Variants in TYK2 observed in about 807,000 individuals in gnomAD.
TYK2 encodes the protein non-receptor tyrosine-protein kinase TYK2.
Under a neutral mutation model 130.9 loss-of-function variants are expected in TYK2, and 65 were observed. The observed-to-expected ratio is 0.50, with a 90% CI of 0.41 to 0.61. TYK2 has a LOEUF of 0.61. Among genes scored for constraint, TYK2 ranks in the 20% least tolerant of loss-of-function variants. The pLI is 0.00. For missense variants in TYK2, 1,378 were observed against 1,610.7 expected, an observed-to-expected ratio of 0.86 and a Z score of 2.47; for synonymous variants, 647 against 658.9, an observed-to-expected ratio of 0.98 and a Z score of 0.28.
Position 10,358,110 on chromosome 19 carries a change from A to G in TYK2, c.2204T>C (p.Val735Ala), listed in dbSNP as rs754086085. ...GGCCAGCAGGATGTTCCGGCCACACACATTACCATGAACCAGGTTCTTGTT... is the reference window on the plus strand; with the variant it reads ...GGCCAGCAGGATGTTCCGGCCACACGCATTACCATGAACCAGGTTCTTGTT... The part of the protein sequence containing the change: ...LENKNLVHGN[V>A]CGRNILLARL... The change falls in exon 16 of 25, where the codon GTG becomes GCG. Residue 735 changes from valine to alanine, a missense_variant. Transcript: ENST00000525621. 7.4e-6 allele frequency: 12 copies of G among 1,611,000 alleles called. No homozygotes were observed. The highest frequency in any genetic ancestry group is 9.3e-6 in the Non-Finnish European group (11 of 1,179,092).
At position 10,353,003 on chromosome 19, in the gene TYK2, G is replaced by A. The variant is rs72561499; in HGVS notation, c.3123C>T (p.Asp1041=). 5.9e-5 allele frequency: 94 copies of A among 1,605,870 alleles called. No homozygotes were observed. The African/African-American group carries it at 1.0e-3, about 17-fold the overall frequency. ...CGGGCACGGCCTTGGCTAGGCCAAA[G>A]TCCCCGATCTTGACCAGCCTGTCGT... ...LDNDRLVKIG[D]FGLAKAVPEG... The change falls in exon 22 of 25, where the codon GAC becomes GAT. Residue 1041 remains aspartate (D), a synonymous_variant. Transcript: ENST00000525621. The surrounding 1 kb of genome is among the most constrained non-coding windows in gnomAD (Gnocchi z 6.9).
At position 10,362,377 on chromosome 19, in the gene TYK2, C is replaced by T; in HGVS notation, c.1556G>A (p.Trp519Ter). The stretch of plus-strand genomic sequence containing the variant: ...CCGAACGCTGGGGAAGGACCGGCCC[C>T]AGCCCTCCAGCACGAAGGCCCCGTC... The part of the protein sequence containing the change: ...QQDGAFVLEG[W>*]GRSFPSVREL... Residue 519 changes from tryptophan (W) to a stop codon, truncating the protein, a stop_gained, in exon 11 of 25, where the codon TGG becomes TAG. Coordinates refer to ENST00000525621, the MANE Select transcript of TYK2 (RefSeq NM_003331.5). LOFTEE classifies it high-confidence loss of function. 1 of 1,614,074 alleles carries T rather than the reference C, an allele frequency of 6.2e-7. No homozygotes were observed. Among genetic ancestry groups the T allele is most frequent in the Non-Finnish European group, 8.5e-7 (1 of 1,179,988 alleles).
intron 17 of TYK2, 178 bp downstream of exon 17, chr19:10,357,586 A>G: frequency 1.2e-6 from 1 of 845,482 alleles, no homozygotes; most frequent in Non-Finnish European, 1.9e-6. Flanking sequence ...GACTTCCACA[A>G]GGACCTAAAA....
chr19:10,363,660 C>G (rs1415996440), intron 9 of TYK2, among the ~76,000 whole-genome samples: 1 of 152,184 alleles, frequency 6.6e-6, no homozygotes, highest in Non-Finnish European at 1.5e-5. Flanking sequence ...CCAGACACAA[C>G]TAATCACCCA....
chr19:10,354,770 T>G (rs947625377), intron 18 of TYK2, among the ~76,000 whole-genome samples, 161 bp from the exon 19 acceptor site: 10 of 151,970 alleles, frequency 6.6e-5, no homozygotes, highest in Non-Finnish European at 1.5e-4. Context: ...TTGTACAAAA[T>G]GATGCAGAGT....
chr19:10,360,308 AAC>A (rs2041336435), intron 14 of TYK2, among the ~76,000 whole-genome samples: 1 of 152,140 alleles, frequency 6.6e-6, no homozygotes. Context: ...CAGCCTAAGC[AAC>A]ATAGTGAGAC....
At position 10,361,517 on chromosome 19, in the gene TYK2, G is replaced by A. The variant is rs1433952909; in HGVS notation, c.2041C>T (p.Pro681Ser). 2.6e-5 allele frequency: 40 copies of A among 1,545,362 alleles called. No individual in the cohort carries two copies. The highest frequency in any genetic ancestry group is 3.2e-5 in the Non-Finnish European group (37 of 1,146,830). Residue 681 changes from proline to serine, a missense_variant, in exon 14 of 25, where the codon CCT becomes TCT. Coordinates refer to ENST00000525621, the MANE Select transcript of TYK2 (RefSeq NM_003331.5). This position sits in a 1 kb window ranked among gnomAD's most constrained non-coding sequence, Gnocchi z 4.0. ...AFVHGVCVRGPENIMVTEYVE... is the reference protein window; with the variant it reads ...AFVHGVCVRGSENIMVTEYVE... Reference sequence around the variant, plus strand: ...TATGGCGGGACCCACTCACTTTCAGGGCCGCGCACACAGACGCCATGCACG... The same window carrying A: ...TATGGCGGGACCCACTCACTTTCAGAGCCGCGCACACAGACGCCATGCACG...
At chr19:10,355,918 C>T (rs753147790) in intron 18 of TYK2, among the ~76,000 whole-genome samples, 12 of 151,660 alleles carry the variant, frequency 7.9e-5, no homozygotes, top group Non-Finnish European at 1.5e-4. Context: ...GCCAAGATTG[C>T]ACCACTGCAC....
At chr19:10,372,208 C>T (rs12720349) in intron 3 of TYK2, among the ~76,000 whole-genome samples, 8,576 of 150,164 alleles carry the variant, frequency 0.057, 308 homozygotes, top group Non-Finnish European at 0.081. Context: ...TTAGCCAGGA[C>T]GGTCGCAATC....
chr19:10,365,478 C>T (rs1303636403), intron 7 of TYK2, 39 bp downstream of exon 7: 2 of 1,611,266 alleles, frequency 1.2e-6, no homozygotes, highest in Admixed American at 1.7e-5. Context: ...CACCCCAGCC[C>T]AACCTGAACC....
chr19:10,377,534 GGA>G (rs2042177629), intron 3 of TYK2, among the ~76,000 whole-genome samples: 1 of 130,282 alleles, frequency 7.7e-6, no homozygotes. Context: ...GTGGATGGAT[GGA>G]TGGATGGATG....
At chr19:10,356,425 G>T in intron 18 of TYK2, 143 bp downstream of exon 18, 1 of 980,086 alleles carries the variant, frequency 1.0e-6, no homozygotes, top group Non-Finnish European at 1.6e-6. Flanking sequence ...CAGCCAGGCA[G>T]GGCATGCTTA....
rs762600922 is a variant in TYK2, at chr19:10,364,579, G to T, written c.1367+35C>A. 6.2e-7 allele frequency: 1 copy of T among 1,612,264 alleles called. No individual in the cohort carries two copies. The highest frequency in any genetic ancestry group is 1.1e-5 in the South Asian group (1 of 91,046). Reference sequence around the variant, plus strand: ...GCTCACAGTCTAGTTGGCACCCTTGGCGGTGGCCCCCAGCGCCCCCCACCC... The same window carrying T: ...GCTCACAGTCTAGTTGGCACCCTTGTCGGTGGCCCCCAGCGCCCCCCACCC... On this transcript the variant is annotated intron_variant, in intron 9 of 24. Coordinates refer to ENST00000525621, the MANE Select transcript of TYK2 (RefSeq NM_003331.5). The surrounding 1 kb of genome is among the most constrained non-coding windows in gnomAD (Gnocchi z 4.9).
At chr19:10,365,078 G>T in intron 7 of TYK2, 30 bp from the exon 8 acceptor site, 1 of 1,581,000 alleles carries the variant, frequency 6.3e-7, no homozygotes, top group South Asian at 1.2e-5. Flanking sequence ...GGCAGAGGAT[G>T]GAGAGGGCAA....
At chr19:10,355,129 A>G (rs184667564) in intron 18 of TYK2, among the ~76,000 whole-genome samples, 1 of 151,556 alleles carries the variant, frequency 6.6e-6, no homozygotes, top group Admixed American at 6.6e-5. Context: ...TATTTCATAG[A>G]GAAAAGAGAA....
At chr19:10,377,223 T>C (rs1351517172) in intron 3 of TYK2, among the ~76,000 whole-genome samples, 9 of 152,228 alleles carry the variant, frequency 5.9e-5, no homozygotes, top group African/African-American at 2.2e-4. Flanking sequence ...TGATTTATTA[T>C]ATTTCTTGCT....
At chr19:10,372,485 T>TATATATATATATATATATATATATATATA (rs59201811) in intron 3 of TYK2, among the ~76,000 whole-genome samples, 5 of 39,480 alleles carry the variant, frequency 1.3e-4, no homozygotes, top group Admixed American at 2.2e-4. Flanking sequence ...TATATATATA[T>TATATATATATATATATATATATATATATA]TTTTTTTTTT....
rs868590753 is a variant in TYK2, at chr19:10,361,532, C to T, written c.2026G>A (p.Val676Ile). The change falls in exon 14 of 25, where the codon GTC becomes ATC. Residue 676 changes from valine to isoleucine, a missense_variant. Physicochemically the swap from Val to Ile is conservative, Grantham distance 29. Coordinates refer to ENST00000525621, the MANE Select transcript of TYK2 (RefSeq NM_003331.5). This position sits in a 1 kb window ranked among gnomAD's most constrained non-coding sequence, Gnocchi z 4.0. ...SHTHLAFVHG[V>I]CVRGPENIMV... ...TCACTTTCAGGGCCGCGCACACAGA[C>T]GCCATGCACGAAGGCCAGGTGCGTG... 40 of 1,546,458 alleles carry T rather than the reference C, an allele frequency of 2.6e-5. No homozygotes were observed. In the Middle Eastern group the frequency reaches 1.2e-3, roughly 45 times the overall value.
intron 3 of TYK2, among the ~76,000 whole-genome samples, chr19:10,377,612 A>G (rs201346205): frequency 2.8e-3 from 33 of 11,604 alleles, no homozygotes; most frequent in South Asian, 3.5e-3. Flanking sequence ...GGATGGGTGG[A>G]TGGATGGGTG....
Sources: allele counts gnomAD v4.1 joint callset (sites outside exome capture counted in the v4.1 genomes callset), GRCh38; gene constraint gnomAD v4.1.1; non-coding constraint Gnocchi (gnomAD v3.1); transcripts MANE v1.5; gene names NCBI Gene and HGNC (gene_info 2026-07-23, HGNC 2026-07-21).